Variants in TMEM108 observed in about 807,000 individuals in gnomAD.
The protein encoded by TMEM108 is transmembrane protein 108, also known as cancer/testis antigen 124.
Under a neutral mutation model 35.1 loss-of-function variants are expected in TMEM108, and 12 were observed. That is an observed-to-expected ratio of 0.34 (90% CI 0.22 to 0.55). The LOEUF (loss-of-function observed/expected upper bound fraction) is 0.55. Among genes scored for constraint, TMEM108 ranks in the 20% least tolerant of loss-of-function variants. TMEM108 has a pLI of 0.89. For synonymous variants in TMEM108, 287 were observed against 308.6 expected, an observed-to-expected ratio of 0.93 and a Z score of 0.73; for missense variants, 680 against 753.3, an observed-to-expected ratio of 0.90 and a Z score of 1.14.
intron 2 of TMEM108, among the ~76,000 whole-genome samples, chr3:133,114,096 G>T (rs1944258194): frequency 6.6e-6 from 1 of 152,202 alleles, no homozygotes; most frequent in Non-Finnish European, 1.5e-5. Context: ...TTTACAACAA[G>T]TGAAATCCTT....
At chr3:133,263,945 G>A (rs1946660354) in intron 3 of TMEM108, among the ~76,000 whole-genome samples, 2 of 152,138 alleles carry the variant, frequency 1.3e-5, no homozygotes, top group African/African-American at 2.4e-5. Context: ...TCATTTTCCA[G>A]CTCAGAGGTG....
intron 3 of TMEM108, among the ~76,000 whole-genome samples, chr3:133,339,994 AAAGAAG>A (rs1230898781): frequency 6.6e-6 from 1 of 151,722 alleles, no homozygotes; most frequent in Non-Finnish European, 1.5e-5. Context: ...CTATATCAAA[AAAGAAG>A]AAAAATGTCA....
intron 2 of TMEM108, among the ~76,000 whole-genome samples, chr3:133,077,026 C>G (rs73209402): frequency 0.023 from 3,559 of 152,288 alleles, 67 homozygotes; most frequent in Non-Finnish European, 0.034. Context: ...GATAGTCATG[C>G]TAGAGCCCAA....
intron 3 of TMEM108, among the ~76,000 whole-genome samples, chr3:133,311,775 T>C (rs973239136): frequency 2.6e-5 from 4 of 152,246 alleles, no homozygotes; most frequent in African/African-American, 9.6e-5. Context: ...TGCGACACTT[T>C]GGAGGAGAAG....
At chr3:133,378,786 G>T (rs1308200005) in intron 3 of TMEM108, among the ~76,000 whole-genome samples, 1 of 149,150 alleles carries the variant, frequency 6.7e-6, no homozygotes. Context: ...TATGCACATT[G>T]GCTATCATAC....
At chr3:133,386,750 T>TA (rs2073156658) in intron 4 of TMEM108, 1 of 1,232,194 alleles carries the variant, frequency 8.1e-7, no homozygotes, top group Admixed American at 3.6e-5. Flanking sequence ...ACAAAACGCT[T>TA]CTGCATATGT....
rs538964216 is a variant in TMEM108 at position 133,174,599 on chromosome 3, G to A, written c.-46-54667G>A. ...AGTGGACCTCCAGCAAACTCCAACA[G>A]ACCTGCAGCTGAGGGTCCTGACTGT... is the stretch of plus-strand genomic sequence containing the variant. On this transcript the variant is annotated intron_variant, in intron 2 of 5. Coordinates refer to ENST00000321871, the MANE Select transcript of TMEM108 (RefSeq NM_023943.4). Among the ~76,000 whole-genome samples the A allele has an allele frequency of 3.3e-5, 5 of 152,306 alleles. No homozygotes were observed. In the South Asian group the frequency reaches 1.0e-3, roughly 32 times the overall value.
intron 3 of TMEM108, among the ~76,000 whole-genome samples, chr3:133,369,116 C>T (rs1242772707): frequency 6.6e-6 from 1 of 152,164 alleles, no homozygotes; most frequent in Non-Finnish European, 1.5e-5. Context: ...ACGCAAATCC[C>T]ACTGACCCCA....
At chr3:133,332,133 A>G (rs2071403604) in intron 3 of TMEM108, among the ~76,000 whole-genome samples, 1 of 151,656 alleles carries the variant, frequency 6.6e-6, no homozygotes, top group Non-Finnish European at 1.5e-5. Flanking sequence ...GACACTCTCT[A>G]AGTTTAGCTT....
intron 2 of TMEM108, among the ~76,000 whole-genome samples, chr3:133,069,455 G>T (rs1559822591): frequency 6.6e-6 from 1 of 152,114 alleles, no homozygotes; most frequent in Non-Finnish European, 1.5e-5. Context: ...GTAGTGCAAA[G>T]AAATGGTGGA....
At chr3:133,307,190 A>C (rs1380780182) in intron 3 of TMEM108, among the ~76,000 whole-genome samples, 5 of 152,174 alleles carry the variant, frequency 3.3e-5, no homozygotes, top group African/African-American at 1.2e-4. Flanking sequence ...GTATCTGTTC[A>C]TAACCTTTGC....
intron 3 of TMEM108, among the ~76,000 whole-genome samples, chr3:133,373,205 T>C (rs115212737): frequency 6.6e-6 from 1 of 151,886 alleles, no homozygotes; most frequent in African/African-American, 2.4e-5. Context: ...AAAAATTAGC[T>C]GGGCACAGTG....
intron 3 of TMEM108, among the ~76,000 whole-genome samples, chr3:133,291,505 T>G (rs1278134302): frequency 6.6e-6 from 1 of 152,148 alleles, no homozygotes; most frequent in African/African-American, 2.4e-5. Flanking sequence ...CTCAAACTCC[T>G]GGGCTCAAAT....
intron 2 of TMEM108, among the ~76,000 whole-genome samples, chr3:133,222,941 C>G (rs549040147): frequency 7.1e-4 from 108 of 152,170 alleles, no homozygotes; most frequent in African/African-American, 2.6e-3. Flanking sequence ...CTACCTCAGC[C>G]TCTCAAGAAG....
chr3:133,330,149 T>C (rs1347826763), intron 3 of TMEM108, among the ~76,000 whole-genome samples: 1 of 152,238 alleles, frequency 6.6e-6, no homozygotes, highest in Admixed American at 6.5e-5. Flanking sequence ...TGAAGACAAC[T>C]TTTTAAAAAA....
At chr3:133,109,550 G>A (rs1371824233) in intron 2 of TMEM108, among the ~76,000 whole-genome samples, 1 of 152,168 alleles carries the variant, frequency 6.6e-6, no homozygotes, top group Non-Finnish European at 1.5e-5. Context: ...AGAGAATAGG[G>A]CAAACGTTAC....
chr3:133,280,327 T>G lies in TMEM108; in HGVS notation c.40+50976T>G, dbSNP rs990086072. Among the ~76,000 whole-genome samples the G allele has an allele frequency of 2.6e-5, 4 of 152,336 alleles. No homozygotes were observed. In the East Asian group the frequency reaches 7.7e-4, roughly 29 times the overall value. On this transcript the variant is annotated intron_variant, in intron 3 of 5. Transcript: ENST00000321871. ...GTGTAAAGAGAAAATTTTCTGCTTC[T>G]TGTCTTACTACCCTAGCATTGATTA...
chr3:133,331,321 T>C (rs2071390822), intron 3 of TMEM108, among the ~76,000 whole-genome samples: 1 of 152,178 alleles, frequency 6.6e-6, no homozygotes, highest in Non-Finnish European at 1.5e-5. Flanking sequence ...AAATGCTGGT[T>C]ACACAGGAGG....
intron 2 of TMEM108, among the ~76,000 whole-genome samples, chr3:133,052,315 C>T (rs1458241865): frequency 1.3e-5 from 2 of 151,556 alleles, no homozygotes; most frequent in East Asian, 3.9e-4. Context: ...AACAGTTGAC[C>T]TTTGTATATT....
Sources: gnomAD v4.1 joint callset for allele counts (sites outside exome capture counted in the v4.1 genomes callset) on GRCh38, gnomAD v4.1.1 for gene constraint, MANE v1.5 for transcripts, NCBI Gene and HGNC (gene_info 2026-07-23, HGNC 2026-07-21) for gene names.